ST7L: variants seen among roughly 807,000 people sequenced by gnomAD.
ST7L encodes suppressor of tumorigenicity 7 protein-like.
ST7L carries 57 observed loss-of-function variants against 72.5 expected under a neutral mutation model. That is an observed-to-expected ratio of 0.79 (90% CI 0.64 to 0.98). ST7L has a LOEUF of 0.98. Ranked by LOEUF, ST7L falls within the 50% of genes least tolerant of loss-of-function variation. ST7L has a pLI of 0.00. For synonymous variants in ST7L, 221 were observed against 240.9 expected, an observed-to-expected ratio of 0.92 and a Z score of 0.77; for missense variants, 576 against 672.2, an observed-to-expected ratio of 0.86 and a Z score of 1.58.
chr1:112,568,150 T>C (rs1661340732), intron 11 of ST7L, among the ~76,000 whole-genome samples: 2 of 152,152 alleles, frequency 1.3e-5, no homozygotes, highest in African/African-American at 4.8e-5. Context: ...GTGAATGATG[T>C]ACCTAATGAA....
upstream of ST7L, chr1:112,619,530 A>C: frequency 1.9e-6 from 1 of 527,194 alleles, no homozygotes; most frequent in South Asian, 2.8e-5. Flanking sequence ...AGCAACAGCT[A>C]TTTGGTCGGA....
intron 13 of ST7L, among the ~76,000 whole-genome samples, chr1:112,546,432 T>G (rs1397615239): frequency 6.6e-6 from 1 of 152,066 alleles, no homozygotes; most frequent in Non-Finnish European, 1.5e-5. Context: ...GGCCTCAAGT[T>G]TGGCCACATG....
chr1:112,586,074 A>G (rs1664829738), intron 6 of ST7L, among the ~76,000 whole-genome samples: 1 of 152,142 alleles, frequency 6.6e-6, no homozygotes, highest in African/African-American at 2.4e-5. Flanking sequence ...ATCAACAAAG[A>G]TTTCTCCATT....
At chr1:112,585,677 G>C (rs1016052724) in intron 6 of ST7L, among the ~76,000 whole-genome samples, 1 of 150,656 alleles carries the variant, frequency 6.6e-6, no homozygotes, top group Non-Finnish European at 1.5e-5. Context: ...AGCTTGCAGT[G>C]AGCCAAGATT....
At chr1:112,599,073 A>AAATATATAT (rs1190968815) in intron 4 of ST7L, among the ~76,000 whole-genome samples, 6 of 57,002 alleles carry the variant, frequency 1.1e-4, no homozygotes, top group African/African-American at 1.4e-4. Flanking sequence ...AAAAAAAAAA[A>AAATATATAT]ATATATATAT....
intron 13 of ST7L, among the ~76,000 whole-genome samples, chr1:112,543,501 T>C (rs1656527339): frequency 6.6e-6 from 1 of 152,164 alleles, no homozygotes; most frequent in Admixed American, 6.5e-5. Flanking sequence ...TGAGCTGGGA[T>C]TGTGCCACTG....
At chr1:112,580,365 C>T (rs1663897341) in intron 9 of ST7L, among the ~76,000 whole-genome samples, 1 of 152,182 alleles carries the variant, frequency 6.6e-6, no homozygotes, top group Non-Finnish European at 1.5e-5. Flanking sequence ...GTTGCTCAAG[C>T]TGGTCTTCAA....
chr1:112,555,946 C>T lies in ST7L; in HGVS notation c.1318G>A (p.Ala440Thr), dbSNP rs201601444. ...TGCTGAAGATGAAAGAAAGCATAGGCAATTGCTTCACTATCACCCCGTTTC... is the reference window on the plus strand; with the variant it reads ...TGCTGAAGATGAAAGAAAGCATAGGTAATTGCTTCACTATCACCCCGTTTC... ...ILKRGDSEAI[A>T]YAFFHLQHWK... is the part of the protein sequence containing the mutation. The change falls in exon 12 of 15, where the codon GCC becomes ACC. Residue 440 changes from alanine (A) to threonine (T), a missense_variant. Ala to Thr is a moderately conservative substitution (Grantham distance 58). Coordinates refer to ENST00000358039, the MANE Select transcript of ST7L (RefSeq NM_017744.5). The T allele has an allele frequency of 6.2e-7, 1 of 1,612,474 alleles. No individual in the cohort carries two copies. Among genetic ancestry groups the T allele is most frequent in the African/African-American group, 1.3e-5 (1 of 75,012 alleles).
At chr1:112,538,527 A>G (rs1655576895) in intron 14 of ST7L, among the ~76,000 whole-genome samples, 1 of 151,994 alleles carries the variant, frequency 6.6e-6, no homozygotes, top group African/African-American at 2.4e-5. Flanking sequence ...GTATATTTGG[A>G]AGAGATGGGG....
At chr1:112,612,726 A>C (rs1456790278) in intron 2 of ST7L, among the ~76,000 whole-genome samples, 2 of 152,074 alleles carry the variant, frequency 1.3e-5, no homozygotes, top group African/African-American at 4.8e-5. Flanking sequence ...TTTGACTTCT[A>C]CCATATATTT....
chr1:112,557,519 T>A (rs1264560795), intron 11 of ST7L, among the ~76,000 whole-genome samples: 1 of 152,238 alleles, frequency 6.6e-6, no homozygotes, highest in Non-Finnish European at 1.5e-5. Flanking sequence ...TGTTTTTAGC[T>A]TTCGGCTATT....
intron 6 of ST7L, among the ~76,000 whole-genome samples, chr1:112,585,147 C>G (rs1207223462): frequency 6.6e-6 from 1 of 152,188 alleles, no homozygotes; most frequent in African/African-American, 2.4e-5. Context: ...AAGTCAACAC[C>G]TGGCTAATAA....
In ST7L at chr1:112,617,713, T is replaced by TCACA. The variant is rs1236686850; in HGVS notation, c.206-819_206-818insTGTG. On this transcript the variant is annotated intron_variant, in intron 1 of 14. Transcript: ENST00000358039. ...AAGGGAGACTCTGTCTGTCTTTCTC[T>TCACA]CTCTCACACACACACACACACACAC... Among the ~76,000 whole-genome samples the TCACA allele has an allele frequency of 2.6e-4, 24 of 93,446 alleles. No homozygotes were observed. In the East Asian group the frequency reaches 3.2e-3, roughly 13 times the overall value. 61.3% of individuals were successfully genotyped at this position (93,446 alleles called of 152,430 possible). A position where few individuals can be genotyped will look rare whatever the true frequency, so the allele number is the denominator to read the frequency against.
At position 112,616,820 on chromosome 1, in the gene ST7L, A is replaced by G. The variant is rs994501407; in HGVS notation, c.281T>C (p.Leu94Pro). 1.9e-6 allele frequency: 3 copies of G among 1,591,152 alleles called. No individual in the cohort carries two copies. The highest frequency in any genetic ancestry group is 3.6e-5 in the Admixed American group (2 of 55,524). Residue 94 changes from leucine (L) to proline (P), a missense_variant, in exon 2 of 15, where the codon CTA (leucine) becomes CCA (proline). Physicochemically the swap from Leu to Pro is moderately conservative, Grantham distance 98 (BLOSUM62 -3). Coordinates refer to ENST00000358039, the MANE Select transcript of ST7L (RefSeq NM_017744.5). ...LTGTSSLISG[L>P]IFIFEWWYFH... ...GAAATGGAAACTACTTACAAATATT[A>G]GTCCTGATATCAATGAAGAGGTCCC...
chr1:112,545,155 C>A (rs1656844336), intron 13 of ST7L, among the ~76,000 whole-genome samples: 1 of 152,160 alleles, frequency 6.6e-6, no homozygotes, highest in Non-Finnish European at 1.5e-5. Context: ...TTTGTTCATT[C>A]TTCCACAGTC....
Position 112,582,093 on chromosome 1 carries a change from A to G in ST7L, c.968T>C (p.Phe323Ser). The change falls in exon 9 of 15, where the codon TTT becomes TCT. Residue 323 changes from phenylalanine to serine, a missense_variant. Phe to Ser is a radical substitution (Grantham distance 155). Around this residue, in one of 3 missense-constraint regions of ST7L, gnomAD observed 511 missense variants for 600.7 expected, o/e 0.85. Transcript: ENST00000358039. ...GATGTTCAACATGGTAAGAGGAGGA[A>G]ATTCTTTCATCAACTGTATATTAAA... ...VKIMRDLMKE[F>S]PPLTMLNIHE... 1 of 1,607,216 alleles carries G rather than the reference A, an allele frequency of 6.2e-7. No individual in the cohort carries two copies. Among genetic ancestry groups the G allele is most frequent in the Non-Finnish European group, 8.5e-7 (1 of 1,174,366 alleles).
intron 11 of ST7L, among the ~76,000 whole-genome samples, chr1:112,565,878 G>C (rs1357206627): frequency 6.6e-6 from 1 of 151,878 alleles, no homozygotes; most frequent in Non-Finnish European, 1.5e-5. Context: ...TAGCTCCGTG[G>C]CATGCACCTG....
At chr1:112,535,423 T>A (rs531036428) in intron 14 of ST7L, among the ~76,000 whole-genome samples, 31 of 149,158 alleles carry the variant, frequency 2.1e-4, no homozygotes, top group Non-Finnish European at 2.5e-4. Flanking sequence ...AAGAAGAAGA[T>A]GAAGAAGAAG....
intron 10 of ST7L, among the ~76,000 whole-genome samples, 190 bp downstream of exon 10, chr1:112,578,155 G>C (rs1006218365): frequency 2.0e-5 from 3 of 152,110 alleles, no homozygotes; most frequent in Non-Finnish European, 4.4e-5. Context: ...GTTTGAATTT[G>C]AGCTCAGGTT....
Sources: allele counts gnomAD v4.1 joint callset (sites outside exome capture counted in the v4.1 genomes callset), GRCh38; gene constraint gnomAD v4.1.1; regional missense constraint gnomAD v4.1.1; transcripts MANE v1.5; gene names NCBI Gene and HGNC (gene_info 2026-07-23, HGNC 2026-07-21).